CFAP99: variants seen among roughly 807,000 people sequenced by gnomAD.
The protein encoded by CFAP99 is cilia- and flagella-associated protein 99.
In CFAP99, 84 loss-of-function variants were observed where a neutral mutation model predicts 82.7. The ratio of observed to expected loss-of-function variants is 1.02; its 90% CI spans 0.85 to 1.22. CFAP99 has a LOEUF of 1.22. Ranked by LOEUF, CFAP99 falls within the 50% of genes most tolerant of loss-of-function variation. CFAP99 has a pLI of 0.00. For synonymous variants in CFAP99, 456 were observed against 429.5 expected (o/e 1.06, Z -0.76); for missense variants, 1,059 against 983.5 (o/e 1.08, Z -1.03).
chr4:2,437,543 A>G (rs1412871935), intron 3 of CFAP99, among the ~76,000 whole-genome samples: 3 of 152,166 alleles, frequency 2.0e-5, no homozygotes, highest in East Asian at 1.9e-4. Context: ...GCCCCCGTCC[A>G]GGAAGGGAGA....
chr4:2,436,077 ACT>A (rs1733901269), intron 2 of CFAP99, among the ~76,000 whole-genome samples: 1 of 135,574 alleles, frequency 7.4e-6, no homozygotes, highest in Non-Finnish European at 1.5e-5. Context: ...TGTCTCAAAA[ACT>A]TCAAAAAAAA....
At position 2,462,855 on chromosome 4, in the gene CFAP99, G is replaced by A; in HGVS notation, c.2074G>A (p.Glu692Lys). The change falls in exon 15 of 15, where the codon GAG becomes AAG. Residue 692 changes from glutamate to lysine, a missense_variant. Physicochemically the swap from Glu to Lys is moderately conservative, Grantham distance 56. Coordinates refer to ENST00000635017, the Ensembl canonical transcript of CFAP99. The surrounding 1 kb of genome is among the most constrained non-coding windows in gnomAD (Gnocchi z 4.1). ...CTGGCTGGAGCTGGAGCGGAGCCGC[G>A]AGCGCAGGCTGCAGGCGCTGCAGCA... The A allele has an allele frequency of 7.2e-7, 1 of 1,393,050 alleles. No individual in the cohort carries two copies. Among genetic ancestry groups the A allele is most frequent in the South Asian group, 1.5e-5 (1 of 65,786 alleles). The allele number at this position is 1,393,050 out of a possible 1,614,324, so 86.3% of individuals were successfully genotyped here.
At chr4:2,451,761 C>G (rs997100961) in intron 10 of CFAP99, among the ~76,000 whole-genome samples, 1 of 151,992 alleles carries the variant, frequency 6.6e-6, no homozygotes, top group South Asian at 2.1e-4. Flanking sequence ...GGGTGTCTGA[C>G]CAGATGGTGG....
chr4:2,436,852 C>G, intron 2 of CFAP99, 22 bp from the exon 3 acceptor site: 1 of 1,535,246 alleles, frequency 6.5e-7, no homozygotes, highest in Non-Finnish European at 8.7e-7. Flanking sequence ...CCAGGGCCCC[C>G]CACCGGCTGT....
intron 14 of CFAP99, among the ~76,000 whole-genome samples, chr4:2,460,602 C>T (rs951106425): frequency 2.6e-5 from 4 of 152,216 alleles, no homozygotes; most frequent in Non-Finnish European, 5.9e-5. Flanking sequence ...CTTCAGCATA[C>T]ATCTTCTAAA....
chr4:2,450,265 G>T (rs1734273548), intron 8 of CFAP99: 1 of 545,054 alleles, frequency 1.8e-6, no homozygotes, highest in Non-Finnish European at 3.3e-6. Flanking sequence ...CTGCCTCTGG[G>T]TATCTCCAGA....
intron 14 of CFAP99, 78 bp downstream of exon 14, chr4:2,460,320 G>C: frequency 1.5e-6 from 2 of 1,335,450 alleles, no homozygotes; most frequent in Admixed American, 2.0e-5. Context: ...CCTCCTGGGT[G>C]GGTCTCCTAG....
exon 14 of CFAP99, chr4:2,460,064 A>T (rs939000454): frequency 3.3e-6 from 5 of 1,535,900 alleles, no homozygotes; most frequent in Non-Finnish European, 4.4e-6. Context: ...GGAAGGAGAG[A>T]TGTCCATAGT....
At position 2,462,460 on chromosome 4, in the gene CFAP99, C is replaced by T. The variant is rs1209006878; in HGVS notation, c.1679C>T (p.Ala560Val). ...CCCGCCAGGTGGGAGGAAAAGAAGGCCCTTGCGGCGGCCCCGGCGGCGCCC... is the reference window on the plus strand; with the variant it reads ...CCCGCCAGGTGGGAGGAAAAGAAGGTCCTTGCGGCGGCCCCGGCGGCGCCC... The change falls in exon 15 of 15, where the codon GCC (alanine) becomes GTC (valine). Residue 560 changes from alanine to valine, a missense_variant. Physicochemically the swap from Ala to Val is moderately conservative, Grantham distance 64 (BLOSUM62 0). Coordinates refer to ENST00000635017, the Ensembl canonical transcript of CFAP99. The surrounding 1 kb of genome is among the most constrained non-coding windows in gnomAD (Gnocchi z 4.1). 3.4e-6 allele frequency: 5 copies of T among 1,464,944 alleles called. No individual in the cohort carries two copies. In the South Asian group the frequency reaches 4.0e-5, roughly 12 times the overall value. 90.7% of individuals were successfully genotyped at this position (1,464,944 alleles called of 1,614,324 possible). A position where few individuals can be genotyped will look rare whatever the true frequency, so the allele number is the denominator to read the frequency against.
rs981858231 is a variant in CFAP99, at chr4:2,462,232, A to G, written c.1662-211A>G. 2.3e-5 allele frequency: 10 copies of G among 435,848 alleles called. No homozygotes were observed. The highest frequency in any genetic ancestry group is 3.6e-5 in the Non-Finnish European group (9 of 249,724). 27.0% of individuals were successfully genotyped at this position (435,848 alleles called of 1,614,324 possible). ...GCAAAAGGGTAGATAGAAGTGCTGG[A>G]GACTCCCCCAACCCCTCCAGCCCCT... On this transcript the variant is annotated intron_variant, in intron 14 of 14. Coordinates refer to ENST00000635017, the Ensembl canonical transcript of CFAP99. This position sits in a 1 kb window ranked among gnomAD's most constrained non-coding sequence, Gnocchi z 4.1.
intron 11 of CFAP99, 147 bp from the exon 12 acceptor site, chr4:2,458,575 GA>G: frequency 1.0e-6 from 1 of 967,136 alleles, no homozygotes; most frequent in Non-Finnish European, 1.4e-6. Flanking sequence ...CGCCAGGAGT[GA>G]ATGGGCTTAG....
At chr4:2,450,798 G>A (rs571078935) in intron 8 of CFAP99, 149 bp from the exon 9 acceptor site, 38 of 654,756 alleles carry the variant, frequency 5.8e-5, no homozygotes, top group East Asian at 2.8e-4. Context: ...CTGACCTGGC[G>A]TGGTGGTAGG....
At chr4:2,432,525 A>G (rs1232304115) in intron 2 of CFAP99, among the ~76,000 whole-genome samples, 1 of 152,188 alleles carries the variant, frequency 6.6e-6, no homozygotes, top group African/African-American at 2.4e-5. Context: ...TATTGGTGAC[A>G]TGAATCACAA....
At chr4:2,454,507 T>G (rs1306551971) in intron 11 of CFAP99, among the ~76,000 whole-genome samples, 3 of 149,504 alleles carry the variant, frequency 2.0e-5, no homozygotes, top group African/African-American at 7.3e-5. Flanking sequence ...ATGCATTATC[T>G]CACATACTTA....
At chr4:2,445,260 C>A in exon 6 of CFAP99, 1 of 1,414,812 alleles carries the variant, frequency 7.1e-7, no homozygotes, top group South Asian at 1.6e-5. Context: ...CCAGGCCCCG[C>A]ACCATTCCAG....
In CFAP99 at chr4:2,425,249, G is replaced by T. The variant is rs182228375; in HGVS notation, c.-17-1210G>T. On this transcript the variant is annotated intron_variant, in intron 1 of 14. Coordinates refer to ENST00000635017, the Ensembl canonical transcript of CFAP99. ...GTTTTCTCCTGGTTCTTTTCTTATG[G>T]TTTCTATGTTTCATGTCAGAGATTT... Among the ~76,000 whole-genome samples the T allele has an allele frequency of 1.9e-4, 29 of 152,186 alleles. No homozygotes were observed. In the East Asian group the frequency reaches 5.4e-3, roughly 28 times the overall value.
intron 4 of CFAP99, among the ~76,000 whole-genome samples, chr4:2,441,372 C>CA (rs35201791): frequency 0.45 from 53,589 of 119,858 alleles, 11,511 homozygotes; most frequent in East Asian, 0.65. Context: ...GACTCCATCT[C>CA]AAAAAAAAAA....
rs1487062969 is a variant in CFAP99 at position 2,438,093 on chromosome 4, C to T, written c.280C>T (p.Leu94=). ...AGTGATCTGCTACCTAGCCACATTCCTGCTGGAGGAACTCGGCTTCCAGCT... is the reference window on the plus strand; with the variant it reads ...AGTGATCTGCTACCTAGCCACATTCTTGCTGGAGGAACTCGGCTTCCAGCT... Residue 94 remains leucine, a synonymous_variant, in exon 4 of 15, where the codon CTG becomes TTG. Transcript: ENST00000635017. The T allele has an allele frequency of 4.6e-6, 7 of 1,534,938 alleles. No individual in the cohort carries two copies. The East Asian group carries it at 1.2e-4, about 27-fold the overall frequency.
At chr4:2,426,989 T>C (rs1313363500) in intron 2 of CFAP99, 2 of 227,952 alleles carry the variant, frequency 8.8e-6, no homozygotes, top group Non-Finnish European at 1.8e-5. Context: ...CCACAACTTG[T>C]GCTGTATTTG....
Sources: gnomAD v4.1 joint callset for allele counts (sites outside exome capture counted in the v4.1 genomes callset) on GRCh38, gnomAD v4.1.1 for gene constraint, Gnocchi (gnomAD v3.1) non-coding constraint, MANE v1.5 for transcripts, NCBI Gene and HGNC (gene_info 2026-07-23, HGNC 2026-07-21) for gene names.